Variants in CSMD1 observed in about 807,000 individuals in gnomAD.
CSMD1 encodes CUB and sushi domain-containing protein 1.
A neutral mutation model predicts 417.5 loss-of-function variants in CSMD1; 213 were observed. That is an observed-to-expected ratio of 0.51 (90% CI 0.46 to 0.57). The LOEUF is 0.57. Ranked by LOEUF, CSMD1 falls within the 20% of genes least tolerant of loss-of-function variation. CSMD1 has a pLI of 0.00. For synonymous variants in CSMD1, 2,862 were observed against 1,736.8 expected (o/e 1.65, Z -16.11); for missense variants, 6,923 against 4,529.7 (o/e 1.53, Z -15.17).
chr8:3,524,673 A>C (rs1377119721), intron 10 of CSMD1, among the ~76,000 whole-genome samples: 1 of 148,200 alleles, frequency 6.7e-6, no homozygotes, highest in African/African-American at 2.5e-5. Flanking sequence ...GCAAAAACAC[A>C]TGTACACACA....
At chr8:3,761,656 C>T (rs113402983) in intron 5 of CSMD1, among the ~76,000 whole-genome samples, 1 of 151,984 alleles carries the variant, frequency 6.6e-6, no homozygotes, top group African/African-American at 2.4e-5. Context: ...TAGGCACAAA[C>T]CACCACACCT....
intron 1 of CSMD1, among the ~76,000 whole-genome samples, chr8:4,732,914 G>C (rs970195073): frequency 3.3e-5 from 5 of 152,130 alleles, no homozygotes; most frequent in African/African-American, 1.2e-4. Flanking sequence ...TGCTGGGATG[G>C]CAGAGGAGAT....
chr8:4,034,055 T>G (rs1247530401), intron 3 of CSMD1, among the ~76,000 whole-genome samples: 1 of 152,238 alleles, frequency 6.6e-6, no homozygotes, highest in African/African-American at 2.4e-5. Flanking sequence ...ATTTCATGTC[T>G]GTATCCATTG....
chr8:4,766,398 C>T (rs1198180025), intron 1 of CSMD1, among the ~76,000 whole-genome samples: 7 of 152,160 alleles, frequency 4.6e-5, no homozygotes. Context: ...AGAACATCGT[C>T]CAAAGCCGTG....
chr8:3,311,872 C>T (rs1488564905), intron 23 of CSMD1, among the ~76,000 whole-genome samples: 1 of 152,134 alleles, frequency 6.6e-6, no homozygotes, highest in Non-Finnish European at 1.5e-5. Context: ...AGTTTATAGC[C>T]ATAAGCTCTA....
chr8:4,543,569 T>A (rs566249402), intron 2 of CSMD1, among the ~76,000 whole-genome samples: 1 of 149,442 alleles, frequency 6.7e-6, no homozygotes, highest in African/African-American at 2.5e-5. Flanking sequence ...CAGTTTTGAC[T>A]ATAAACGTTC....
intron 26 of CSMD1, among the ~76,000 whole-genome samples, chr8:3,249,479 C>T (rs913605850): frequency 1.3e-5 from 2 of 152,164 alleles, no homozygotes; most frequent in Non-Finnish European, 2.9e-5. Context: ...CCACCTTGGC[C>T]TCCCAAAATG....
At chr8:4,083,071 A>G (rs192695775) in intron 3 of CSMD1, among the ~76,000 whole-genome samples, 145 of 152,070 alleles carry the variant, frequency 9.5e-4, no homozygotes, top group African/African-American at 3.4e-3. Flanking sequence ...GCCACAATAA[A>G]CATACATGTG....
At position 4,021,927 on chromosome 8, in the gene CSMD1, G is replaced by A. The variant is rs115743222; in HGVS notation, c.610+9978C>T. 7.6e-3 allele frequency among the ~76,000 whole-genome samples: 1,157 copies of A among 152,038 alleles called. 14 individuals carry two copies. The highest frequency in any genetic ancestry group is 0.026 in the African/African-American group (1,078 of 41,502). On this transcript the variant is annotated intron_variant, in intron 4 of 69. Transcript: ENST00000635120. Reference sequence around the variant, plus strand: ...CCCAGATCATCAACAAAGCTGACTAGCTCTTTTGATCTTTATTTTTTTCAA... The same window carrying A: ...CCCAGATCATCAACAAAGCTGACTAACTCTTTTGATCTTTATTTTTTTCAA...
At chr8:2,966,006 G>T in intron 58 of CSMD1, 52 bp from the exon 59 acceptor site, 1 of 1,469,034 alleles carries the variant, frequency 6.8e-7, no homozygotes, top group Non-Finnish European at 9.3e-7. Flanking sequence ...ACCATGAAAT[G>T]AATTAGTCAC....
chr8:3,726,354 C>G (rs996582528), intron 6 of CSMD1, among the ~76,000 whole-genome samples: 1 of 152,170 alleles, frequency 6.6e-6, no homozygotes, highest in Admixed American at 6.5e-5. Flanking sequence ...TTATTTGTAG[C>G]AATAGAACTA....
chr8:3,532,891 A>T (rs889199876), intron 10 of CSMD1, among the ~76,000 whole-genome samples: 1 of 152,212 alleles, frequency 6.6e-6, no homozygotes, highest in African/African-American at 2.4e-5. Flanking sequence ...TTTTTTAATC[A>T]ATAGTAAATC....
chr8:3,562,359 G>C (rs1799503862), intron 10 of CSMD1, among the ~76,000 whole-genome samples: 1 of 73,032 alleles, frequency 1.4e-5, no homozygotes, highest in Non-Finnish European at 3.0e-5. Context: ...TTGCTAATGG[G>C]ACACACACAC....
chr8:4,332,994 T>C lies in CSMD1; in HGVS notation c.415+86959A>G, dbSNP rs568605641. On this transcript the variant is annotated intron_variant, in intron 3 of 69. Coordinates refer to ENST00000635120, the MANE Select transcript of CSMD1 (RefSeq NM_033225.6). Reference sequence around the variant, plus strand: ...GCCTTCAGTTTTGAGGTAAACGTCATATGAAAGAGCCTAGCAACAATGTAT... The same window carrying C: ...GCCTTCAGTTTTGAGGTAAACGTCACATGAAAGAGCCTAGCAACAATGTAT... Among the ~76,000 whole-genome samples the C allele has an allele frequency of 1.2e-4, 18 of 150,892 alleles. No individual in the cohort carries two copies. In the South Asian group the frequency reaches 1.5e-3, roughly 12 times the overall value.
intron 1 of CSMD1, among the ~76,000 whole-genome samples, chr8:4,643,789 T>A (rs772801024): frequency 2.0e-5 from 3 of 152,168 alleles, no homozygotes; most frequent in Non-Finnish European, 4.4e-5. Context: ...ATGGGGAAAA[T>A]AATTAATTGT....
intron 37 of CSMD1, among the ~76,000 whole-genome samples, chr8:3,172,525 A>C (rs1310230403): frequency 6.6e-6 from 1 of 152,218 alleles, no homozygotes; most frequent in Non-Finnish European, 1.5e-5. Flanking sequence ...ATTTGAAATT[A>C]GCAGAGACCA....
At position 4,761,836 on chromosome 8, in the gene CSMD1, C is replaced by CATCCATCTATCT. The variant is rs1554472546; in HGVS notation, c.86-124279_86-124278insAGATAGATGGAT. On this transcript the variant is annotated intron_variant, in intron 1 of 69. Coordinates refer to ENST00000635120, the MANE Select transcript of CSMD1 (RefSeq NM_033225.6). ...AATAAAATAGCAAAATAGTACCATGCATCTATCTATCTATCTATCTATCTA... is the reference window on the plus strand; with the variant it reads ...AATAAAATAGCAAAATAGTACCATGCATCCATCTATCTATCTATCTATCTATCTATCTATCTA... 1.7e-3 allele frequency among the ~76,000 whole-genome samples: 204 copies of CATCCATCTATCT among 118,666 alleles called. 2 individuals carry two copies. The highest frequency in any genetic ancestry group is 3.8e-3 in the African/African-American group (104 of 27,650). 77.8% of individuals were successfully genotyped at this position (118,666 alleles called of 152,430 possible).
intron 2 of CSMD1, among the ~76,000 whole-genome samples, chr8:4,546,998 C>G (rs1797668481): frequency 6.6e-6 from 1 of 152,142 alleles, no homozygotes; most frequent in Non-Finnish European, 1.5e-5. Flanking sequence ...TGCCCTACAT[C>G]CTTATCTATA....
intron 3 of CSMD1, among the ~76,000 whole-genome samples, chr8:4,249,302 G>A (rs375483080): frequency 6.6e-6 from 1 of 152,204 alleles, no homozygotes; most frequent in Admixed American, 6.5e-5. Context: ...GTAGGATGAA[G>A]ATGACCTGGC....
Sources: gnomAD v4.1 joint callset for allele counts (sites outside exome capture counted in the v4.1 genomes callset) on GRCh38, gnomAD v4.1.1 for gene constraint, MANE v1.5 for transcripts, NCBI Gene and HGNC (gene_info 2026-07-23, HGNC 2026-07-21) for gene names.